Variants in AK5 observed in about 807,000 individuals in gnomAD.
AK5 encodes the protein adenylate kinase 5, also known as adenylate kinase isoenzyme 5.
AK5 carries 27 observed loss-of-function variants against 69.5 expected under a neutral mutation model. The observed-to-expected ratio is 0.39, with a 90% confidence interval of 0.29 to 0.54. The LOEUF is 0.54. AK5 is among the 20% of genes least tolerant of loss of function. The pLI, the probability that AK5 is intolerant of heterozygous loss-of-function variation, is 0.71. For missense variants in AK5, 531 were observed against 700.4 expected (o/e 0.76, Z 2.73); for synonymous variants, 260 against 244.4 (o/e 1.06, Z -0.60).
rs963730708 is a variant in AK5, at chr1:77,414,100, C to A, written c.982+3029C>A. Reference sequence around the variant, plus strand: ...TGGATCAATGAGAGCAAGACCTGTACAGGTAAAGTGGAAGTGTCCTTTCAT... The same window carrying A: ...TGGATCAATGAGAGCAAGACCTGTAAAGGTAAAGTGGAAGTGTCCTTTCAT... On this transcript the variant is annotated intron_variant, in intron 7 of 13. Transcript: ENST00000354567. Among the ~76,000 whole-genome samples the A allele has an allele frequency of 3.9e-5, 6 of 152,294 alleles. No homozygotes were observed. The South Asian group carries it at 1.0e-3, about 26-fold the overall frequency.
At chr1:77,345,450 A>G (rs760739235) in intron 6 of AK5, among the ~76,000 whole-genome samples, 3 of 152,262 alleles carry the variant, frequency 2.0e-5, no homozygotes, top group South Asian at 2.1e-4. Context: ...GCAAGGCTGT[A>G]TAGACCAATG....
At chr1:77,426,803 T>C in intron 8 of AK5, among the ~76,000 whole-genome samples, 1 of 152,254 alleles carries the variant, frequency 6.6e-6, no homozygotes, top group East Asian at 1.9e-4. Flanking sequence ...CAGAACACAG[T>C]CAAATTAAAC....
At chr1:77,344,620 A>G (rs1408535382) in intron 6 of AK5, among the ~76,000 whole-genome samples, 1 of 152,102 alleles carries the variant, frequency 6.6e-6, no homozygotes, top group African/African-American at 2.4e-5. Flanking sequence ...TTTCCCTTTT[A>G]TAGATTTTTA....
chr1:77,427,681 GTATCT>G (rs1270294577), intron 8 of AK5, among the ~76,000 whole-genome samples: 2 of 152,098 alleles, frequency 1.3e-5, no homozygotes, highest in Non-Finnish European at 2.9e-5. Context: ...CTGCAGACCA[GTATCT>G]TTATAAGTGC....
chr1:77,297,536 G>A, intron 3 of AK5, 23 bp from the exon 4 acceptor site: 1 of 1,571,706 alleles, frequency 6.4e-7, no homozygotes, highest in Non-Finnish European at 8.6e-7. Flanking sequence ...GAAGATCACA[G>A]TTTTGCCTGT....
At chr1:77,527,124 A>G (rs562850417) in intron 12 of AK5, among the ~76,000 whole-genome samples, 2 of 152,242 alleles carry the variant, frequency 1.3e-5, no homozygotes, top group South Asian at 4.1e-4. Context: ...ACCTGTTAAC[A>G]CCTATTTAAA....
intron 6 of AK5, among the ~76,000 whole-genome samples, chr1:77,348,681 A>G (rs1243403164): frequency 6.6e-6 from 1 of 152,128 alleles, no homozygotes; most frequent in Non-Finnish European, 1.5e-5. Context: ...ATGTCATGTC[A>G]TACTAACAAC....
intron 5 of AK5, among the ~76,000 whole-genome samples, chr1:77,306,000 T>G (rs1433266212): frequency 3.9e-5 from 6 of 152,148 alleles, no homozygotes. Flanking sequence ...CATTTTTTGG[T>G]GTCTTCAGTT....
chr1:77,554,112 C>T (rs1044154532), intron 13 of AK5, among the ~76,000 whole-genome samples: 10 of 152,234 alleles, frequency 6.6e-5, no homozygotes, highest in African/African-American at 7.2e-5. Context: ...AAATCTATGG[C>T]GACACCTCAT....
intron 10 of AK5, among the ~76,000 whole-genome samples, chr1:77,491,811 C>G (rs1305102957): frequency 6.6e-6 from 1 of 152,176 alleles, no homozygotes; most frequent in Non-Finnish European, 1.5e-5. Flanking sequence ...TTGAATGCTC[C>G]TATCCATCTT....
intron 6 of AK5, among the ~76,000 whole-genome samples, chr1:77,375,759 T>C (rs751737226): frequency 2.0e-5 from 3 of 152,124 alleles, no homozygotes; most frequent in Non-Finnish European, 4.4e-5. Context: ...GATAATCAAA[T>C]AGATTCAAAG....
At chr1:77,408,663 T>A (rs903407164) in intron 6 of AK5, among the ~76,000 whole-genome samples, 2 of 152,154 alleles carry the variant, frequency 1.3e-5, no homozygotes, top group African/African-American at 2.4e-5. Context: ...TTAAAACTTA[T>A]AATCTGCATA....
intron 13 of AK5, among the ~76,000 whole-genome samples, chr1:77,557,554 A>G (rs1272985909): frequency 6.6e-6 from 1 of 152,114 alleles, no homozygotes; most frequent in African/African-American, 2.4e-5. Flanking sequence ...TTCCCTTCAT[A>G]TGTCCTCCTT....
chr1:77,328,289 A>G (rs892171596), intron 5 of AK5, among the ~76,000 whole-genome samples: 7 of 152,188 alleles, frequency 4.6e-5, no homozygotes, highest in Non-Finnish European at 5.9e-5. Context: ...TCACGAGGTC[A>G]GGAGTTCAAG....
At chr1:77,520,603 A>G (rs777370031) in intron 11 of AK5, among the ~76,000 whole-genome samples, 18 of 151,682 alleles carry the variant, frequency 1.2e-4, no homozygotes, top group Non-Finnish European at 2.4e-4. Flanking sequence ...ACAGTCACAT[A>G]GTTTGGTCCT....
intron 8 of AK5, among the ~76,000 whole-genome samples, chr1:77,450,663 A>G (rs913000201): frequency 2.6e-5 from 4 of 152,140 alleles, no homozygotes; most frequent in African/African-American, 9.7e-5. Context: ...AACTATCCTC[A>G]ACAACCTTCT....
At chr1:77,442,105 C>T (rs1371987780) in intron 8 of AK5, among the ~76,000 whole-genome samples, 2 of 152,156 alleles carry the variant, frequency 1.3e-5, no homozygotes, top group Middle Eastern at 3.2e-3. Context: ...TTGGTGGCAA[C>T]TCGGGTCCCT....
chr1:77,309,506 T>G (rs1659825296), intron 5 of AK5, among the ~76,000 whole-genome samples: 1 of 152,158 alleles, frequency 6.6e-6, no homozygotes, highest in Admixed American at 6.5e-5. Flanking sequence ...ATTCTGTTTT[T>G]GAGCTTATCT....
chr1:77,426,652 A>C (rs1651229998), intron 8 of AK5, among the ~76,000 whole-genome samples: 1 of 152,224 alleles, frequency 6.6e-6, no homozygotes, highest in Non-Finnish European at 1.5e-5. Context: ...TATAACTGGC[A>C]TCTATAGACT....
Sources: gnomAD v4.1 joint callset for allele counts (sites outside exome capture counted in the v4.1 genomes callset) on GRCh38, gnomAD v4.1.1 for gene constraint, MANE v1.5 for transcripts, NCBI Gene and HGNC (gene_info 2026-07-23, HGNC 2026-07-21) for gene names.